The following ZNF563 variants were observed in gnomAD, a reference collection of about 807,000 sequenced individuals.
The protein encoded by ZNF563 is zinc finger protein 563.
ZNF563 carries 39 observed loss-of-function variants against 48.5 expected under a neutral mutation model. The ratio of observed to expected loss-of-function variants is 0.80; its 90% confidence interval spans 0.62 to 1.05. The LOEUF is 1.05. Among genes scored for constraint, ZNF563 ranks in the 50% least tolerant of loss-of-function variants. The probability of loss-of-function intolerance (pLI) is 0.00; values close to 1 mark genes in which losing one functional copy is unlikely to be tolerated. For synonymous variants in ZNF563, 168 were observed against 187.9 expected (o/e 0.89, Z 0.87); for missense variants, 538 against 597.0 (o/e 0.90, Z 1.03).
intron 1 of ZNF563, among the ~76,000 whole-genome samples, chr19:12,324,723 A>G (rs1301383132): frequency 2.2e-3 from 319 of 144,260 alleles, no homozygotes; most frequent in African/African-American, 7.3e-3. Context: ...GTCTCAAGAA[A>G]AAAAAAAAAA....
At chr19:12,325,469 C>CAAAA (rs36079909) in intron 1 of ZNF563, among the ~76,000 whole-genome samples, 3 of 83,412 alleles carry the variant, frequency 3.6e-5, no homozygotes, top group African/African-American at 1.3e-4. Flanking sequence ...GACTCCATCT[C>CAAAA]AAAAAAAAAA....
At chr19:12,344,007 G>C in the ZNF563 span, among the ~76,000 whole-genome samples, 1 of 151,916 alleles carries the variant, frequency 6.6e-6, no homozygotes, top group Non-Finnish European at 1.5e-5. Flanking sequence ...GGGATTACAG[G>C]CTTGAGCCAC....
Position 12,325,893 on chromosome 19 carries a change from G to C in ZNF563, c.4-3182C>G, listed in dbSNP as rs575414191. Among the ~76,000 whole-genome samples the C allele has an allele frequency of 2.0e-5, 3 of 152,328 alleles. No individual in the cohort carries two copies. In the South Asian group the frequency reaches 6.2e-4, roughly 32 times the overall value. On this transcript the variant is annotated intron_variant, in intron 1 of 3. Coordinates refer to ENST00000293725, the MANE Select transcript of ZNF563 (RefSeq NM_145276.3). Reference sequence around the variant, plus strand: ...AACAGAGACTTCAGTGTGTACATCAGATAGGGAATAGAGTCTCTGCAAACA... The same window carrying C: ...AACAGAGACTTCAGTGTGTACATCACATAGGGAATAGAGTCTCTGCAAACA...
At chr19:12,327,300 A>G (rs1279802181) in intron 1 of ZNF563, among the ~76,000 whole-genome samples, 1 of 151,910 alleles carries the variant, frequency 6.6e-6, no homozygotes, top group Admixed American at 6.6e-5. Context: ...TCTTTACTAA[A>G]AATATAAAAA....
At chr19:12,335,831 G>A (rs1159011926), upstream of ZNF563, among the ~76,000 whole-genome samples, 2 of 152,208 alleles carry the variant, frequency 1.3e-5, no homozygotes, top group Non-Finnish European at 2.9e-5. Flanking sequence ...CATACATTAA[G>A]CCTAAGCATT....
At chr19:12,342,469 C>CA in the ZNF563 span, among the ~76,000 whole-genome samples, 39 of 145,826 alleles carry the variant, frequency 2.7e-4, no homozygotes, top group South Asian at 6.4e-4. Flanking sequence ...GACTCTGTCT[C>CA]AAAAAAAACA....
chr19:12,325,694 A>C (rs552855609), intron 1 of ZNF563, among the ~76,000 whole-genome samples: 1 of 152,338 alleles, frequency 6.6e-6, no homozygotes, highest in African/African-American at 2.4e-5. Context: ...ACAGAAAGTA[A>C]ATGCTACAGC....
chr19:12,321,298 C>T lies in ZNF563; in HGVS notation c.165G>A (p.Gln55=), dbSNP rs750866905. Reference sequence around the variant, plus strand: ...TTAGATTTCTCCTAGGATTTTTGTACTGATCTTCAGTATTCTGTTCTTCCC... The same window carrying T: ...TTAGATTTCTCCTAGGATTTTTGTATTGATCTTCAGTATTCTGTTCTTCCC... The part of the protein sequence containing the change: ...MIWEEQNTED[Q]YKNPRRNLRC... The change falls in exon 3 of 4, where the codon CAG becomes CAA. Residue 55 remains glutamine, a synonymous_variant. Coordinates refer to ENST00000293725, the MANE Select transcript of ZNF563 (RefSeq NM_145276.3). 2.5e-6 allele frequency: 4 copies of T among 1,579,024 alleles called. No homozygotes were observed. Among genetic ancestry groups the T allele is most frequent in the African/African-American group, 1.4e-5 (1 of 72,780 alleles).
intron 1 of ZNF563, among the ~76,000 whole-genome samples, chr19:12,332,594 T>A (rs1244898695): frequency 6.6e-6 from 1 of 152,114 alleles, no homozygotes; most frequent in Non-Finnish European, 1.5e-5. Context: ...TGTCTAACTT[T>A]CTTTATGGCC....
At chr19:12,321,617 G>A (rs1384815605) in intron 2 of ZNF563, among the ~76,000 whole-genome samples, 3 of 152,140 alleles carry the variant, frequency 2.0e-5, no homozygotes, top group African/African-American at 7.2e-5. Flanking sequence ...GCTAATGTTT[G>A]TATTTTTATT....
intron 1 of ZNF563, among the ~76,000 whole-genome samples, chr19:12,325,920 A>C (rs1455317581): frequency 6.6e-6 from 1 of 152,240 alleles, no homozygotes; most frequent in Admixed American, 6.5e-5. Context: ...CTGCAAACAC[A>C]CTTTGAAAAT....
the ZNF563 span, among the ~76,000 whole-genome samples, chr19:12,343,309 A>T: frequency 6.6e-6 from 1 of 152,154 alleles, no homozygotes; most frequent in Non-Finnish European, 1.5e-5. Flanking sequence ...AAAAGGTAGG[A>T]GACAAACTGG....
At chr19:12,347,330 C>G in the ZNF563 span, 1 of 152,250 alleles carries the variant, frequency 6.6e-6, no homozygotes, top group East Asian at 1.9e-4. Context: ...CTGGAGGCTT[C>G]CAGGAGAAGA....
chr19:12,323,866 T>G (rs1968700476), intron 1 of ZNF563, among the ~76,000 whole-genome samples: 1 of 152,162 alleles, frequency 6.6e-6, no homozygotes. Flanking sequence ...AGACCAAATG[T>G]AGTTAAGCAT....
the ZNF563 span, among the ~76,000 whole-genome samples, chr19:12,341,136 G>A: frequency 9.9e-5 from 15 of 152,146 alleles, no homozygotes; most frequent in South Asian, 8.3e-4. Flanking sequence ...CCGTAGCCTC[G>A]ACCTCCTGGG....
chr19:12,343,051 T>C, the ZNF563 span, among the ~76,000 whole-genome samples: 10 of 142,508 alleles, frequency 7.0e-5, 1 homozygote, highest in Admixed American at 2.1e-4. Flanking sequence ...CAAAAACTTA[T>C]CCAGGTGTGG....
Position 12,319,367 on chromosome 19 carries a change from T to C in ZNF563, c.658A>G (p.Thr220Ala). The part of the protein sequence containing the change: ...SLLRMHERTH[T>A]GEKPYECKQC... ...TTACATTCATACGGTTTCTCTCCAG[T>C]GTGAGTTCTTTCATGCATACGTAAT... Residue 220 changes from threonine (T) to alanine (A), a missense_variant, in exon 4 of 4, where the codon ACT becomes GCT. Coordinates refer to ENST00000293725, the MANE Select transcript of ZNF563 (RefSeq NM_145276.3). The C allele has an allele frequency of 6.2e-7, 1 of 1,614,148 alleles. No individual in the cohort carries two copies. The highest frequency in any genetic ancestry group is 8.5e-7 in the Non-Finnish European group (1 of 1,180,042).
chr19:12,342,069 T>C, the ZNF563 span, among the ~76,000 whole-genome samples: 1 of 152,208 alleles, frequency 6.6e-6, no homozygotes, highest in Non-Finnish European at 1.5e-5. Context: ...TGGAGTACAG[T>C]GGCATGACCA....
chr19:12,345,506 G>T, the ZNF563 span, among the ~76,000 whole-genome samples: 2 of 152,204 alleles, frequency 1.3e-5, no homozygotes, highest in Admixed American at 6.5e-5. Flanking sequence ...AAAAAATGGT[G>T]TTGGGAAAAC....
Sources: allele counts gnomAD v4.1 joint callset (sites outside exome capture counted in the v4.1 genomes callset), GRCh38; gene constraint gnomAD v4.1.1; transcripts MANE v1.5; gene names NCBI Gene and HGNC (gene_info 2026-07-23, HGNC 2026-07-21).